Variants in GRIA1 observed in about 807,000 individuals in gnomAD.
The protein encoded by GRIA1 is glutamate ionotropic receptor AMPA type subunit 1.
GRIA1 carries 31 observed loss-of-function variants against 99.2 expected under a neutral mutation model. That is an observed-to-expected ratio of 0.31 (90% confidence interval 0.23 to 0.42). The LOEUF (loss-of-function observed/expected upper bound fraction) is 0.42. Among genes scored for constraint, GRIA1 ranks in the 10% least tolerant of loss-of-function variants. GRIA1 has a pLI of 1.00. For missense variants in GRIA1, 782 were observed against 1,157.5 expected (o/e 0.68, Z 4.71); for synonymous variants, 438 against 432.4 (o/e 1.01, Z -0.16).
chr5:153,677,779 C>T (rs1400290872), intron 7 of GRIA1, among the ~76,000 whole-genome samples: 1 of 152,190 alleles, frequency 6.6e-6, no homozygotes, highest in Non-Finnish European at 1.5e-5. Flanking sequence ...GATATGTCTG[C>T]TGTGGAAGCA....
At chr5:153,802,588 G>A (rs1171683987) in intron 15 of GRIA1, 98 bp downstream of exon 15, 2 of 1,243,644 alleles carry the variant, frequency 1.6e-6, no homozygotes, top group East Asian at 2.3e-5. Context: ...AATGACAGGT[G>A]GTTGAGGTCA....
At chr5:153,703,637 G>A (rs1156797407) in intron 10 of GRIA1, among the ~76,000 whole-genome samples, 3 of 152,134 alleles carry the variant, frequency 2.0e-5, no homozygotes, top group African/African-American at 4.8e-5. Flanking sequence ...CTACTTAGGA[G>A]GCTGAGGCAT....
intron 3 of GRIA1, among the ~76,000 whole-genome samples, chr5:153,648,608 G>A (rs1754324458): frequency 6.6e-6 from 1 of 152,190 alleles, no homozygotes; most frequent in South Asian, 2.1e-4. Flanking sequence ...CAGACACACA[G>A]TACATTTTCA....
chr5:153,626,923 A>G (rs1479557082), intron 2 of GRIA1, among the ~76,000 whole-genome samples: 1 of 152,216 alleles, frequency 6.6e-6, no homozygotes, highest in Non-Finnish European at 1.5e-5. Context: ...TTGGTCCTGG[A>G]AATGTCATTT....
intron 5 of GRIA1, among the ~76,000 whole-genome samples, chr5:153,665,992 A>G (rs1437241318): frequency 6.6e-6 from 1 of 152,322 alleles, no homozygotes. Context: ...CCAAGGACAA[A>G]CAACTCATGA....
At chr5:153,605,261 T>A (rs1294797997) in intron 2 of GRIA1, among the ~76,000 whole-genome samples, 1 of 152,162 alleles carries the variant, frequency 6.6e-6, no homozygotes, top group Non-Finnish European at 1.5e-5. Context: ...CCAGTATGTA[T>A]TTATGTGTGT....
At chr5:153,689,447 C>A (rs1005577695) in intron 8 of GRIA1, among the ~76,000 whole-genome samples, 10 of 152,132 alleles carry the variant, frequency 6.6e-5, no homozygotes, top group African/African-American at 2.4e-4. Context: ...TATGTGTTTG[C>A]CATTATTAAA....
At chr5:153,647,633 A>G (rs1754255745) in intron 3 of GRIA1, among the ~76,000 whole-genome samples, 1 of 152,214 alleles carries the variant, frequency 6.6e-6, no homozygotes, top group Non-Finnish European at 1.5e-5. Context: ...GTGAAACTGA[A>G]TGAGATGACT....
intron 8 of GRIA1, among the ~76,000 whole-genome samples, chr5:153,692,618 G>A (rs36038833): frequency 0.093 from 14,192 of 152,138 alleles, 808 homozygotes; most frequent in Non-Finnish European, 0.12. Flanking sequence ...GATATCTACC[G>A]TCTGGCCCTT....
chr5:153,512,146 G>A (rs1481910104), intron 2 of GRIA1, among the ~76,000 whole-genome samples: 9 of 152,192 alleles, frequency 5.9e-5, no homozygotes, highest in Admixed American at 5.9e-4. Flanking sequence ...AAGGTGACAA[G>A]ATAAGAGGAG....
chr5:153,637,419 G>T (rs1485182469), intron 2 of GRIA1, among the ~76,000 whole-genome samples: 1 of 152,140 alleles, frequency 6.6e-6, no homozygotes, highest in Non-Finnish European at 1.5e-5. Flanking sequence ...ATGACTCTAT[G>T]ACTGTTCTTA....
At chr5:153,773,610 T>A (rs1032645118) in intron 13 of GRIA1, among the ~76,000 whole-genome samples, 4 of 152,208 alleles carry the variant, frequency 2.6e-5, no homozygotes, top group African/African-American at 9.6e-5. Flanking sequence ...TTCTGCTTCA[T>A]AATAAAAAAC....
At chr5:153,789,571 A>G (rs1329647197) in intron 13 of GRIA1, among the ~76,000 whole-genome samples, 1 of 152,156 alleles carries the variant, frequency 6.6e-6, no homozygotes, top group East Asian at 1.9e-4. Context: ...AAGAAAATAA[A>G]GTAATCTCAG....
chr5:153,635,120 T>C (rs952304904), intron 2 of GRIA1, among the ~76,000 whole-genome samples: 6 of 152,230 alleles, frequency 3.9e-5, no homozygotes, highest in African/African-American at 1.4e-4. Flanking sequence ...GTACGTTTGC[T>C]GGTTGGCCTA....
At chr5:153,675,893 G>A (rs893084240) in intron 6 of GRIA1, among the ~76,000 whole-genome samples, 6 of 146,270 alleles carry the variant, frequency 4.1e-5, no homozygotes, top group Non-Finnish European at 8.9e-5. Context: ...GTCTGGCTCT[G>A]TTGCCCAGGC....
chr5:153,544,042 G>T (rs375431249), intron 2 of GRIA1, among the ~76,000 whole-genome samples: 1 of 152,148 alleles, frequency 6.6e-6, no homozygotes, highest in East Asian at 1.9e-4. Flanking sequence ...TATCTGAGCA[G>T]GGCCTGAAAA....
chr5:153,758,423 A>T (rs983771630), intron 11 of GRIA1, among the ~76,000 whole-genome samples: 1 of 152,040 alleles, frequency 6.6e-6, no homozygotes, highest in Non-Finnish European at 1.5e-5. Flanking sequence ...TATATCAGAA[A>T]AAAGTACATT....
intron 11 of GRIA1, among the ~76,000 whole-genome samples, chr5:153,725,010 A>T (rs1251671301): frequency 1.3e-5 from 2 of 152,216 alleles, no homozygotes; most frequent in African/African-American, 4.8e-5. Flanking sequence ...AGGTCGGCTT[A>T]CCCACAAAGG....
rs1758323320 is a variant in GRIA1, at chr5:153,699,088, G to C, written c.1452+15G>C. On this transcript the variant is annotated intron_variant, in intron 10 of 15. Coordinates refer to ENST00000285900, the MANE Select transcript of GRIA1 (RefSeq NM_000827.4). Reference sequence around the variant, plus strand: ...TGGTCTATGGAGTAAGTTCACTGCAGGGTGGGAAATTAGAGGGCGGAGGCA... The same window carrying C: ...TGGTCTATGGAGTAAGTTCACTGCACGGTGGGAAATTAGAGGGCGGAGGCA... The C allele has an allele frequency of 2.1e-5, 33 of 1,592,548 alleles. No homozygotes were observed. Among genetic ancestry groups the C allele is most frequent in the Non-Finnish European group, 2.8e-5 (33 of 1,161,092 alleles).
Sources: allele counts gnomAD v4.1 joint callset (sites outside exome capture counted in the v4.1 genomes callset), GRCh38; gene constraint gnomAD v4.1.1; transcripts MANE v1.5; gene names NCBI Gene and HGNC (gene_info 2026-07-23, HGNC 2026-07-21).